Variants in IMMP2L observed in about 807,000 individuals in gnomAD.
IMMP2L encodes the protein inner mitochondrial membrane peptidase subunit 2.
A neutral mutation model predicts 19.3 loss-of-function variants in IMMP2L; 18 were observed. The observed-to-expected ratio is 0.93, with a 90% confidence interval of 0.64 to 1.38. IMMP2L has a LOEUF of 1.38. Ranked by LOEUF, IMMP2L falls within the 40% of genes most tolerant of loss-of-function variation. The pLI, the probability that IMMP2L is intolerant of heterozygous loss-of-function variation, is 0.00. For missense variants in IMMP2L, 233 were observed against 218.2 expected (o/e 1.07, Z -0.43); for synonymous variants, 76 against 73.0 (o/e 1.04, Z -0.21).
intron 3 of IMMP2L, among the ~76,000 whole-genome samples, chr7:111,058,585 T>C (rs1793725494): frequency 6.6e-6 from 1 of 152,186 alleles, no homozygotes; most frequent in Non-Finnish European, 1.5e-5. Context: ...TTGGGATGAT[T>C]AGAGATGAAA....
chr7:111,504,026 A>T (rs1466284643), intron 2 of IMMP2L, among the ~76,000 whole-genome samples: 3 of 152,156 alleles, frequency 2.0e-5, no homozygotes, highest in Admixed American at 2.0e-4. Flanking sequence ...AGAGGAAGTC[A>T]AATTGTCCCT....
chr7:111,013,166 T>C (rs1378049900), intron 3 of IMMP2L, among the ~76,000 whole-genome samples: 1 of 152,120 alleles, frequency 6.6e-6, no homozygotes, highest in Non-Finnish European at 1.5e-5. Flanking sequence ...GAGGCTGTTG[T>C]GGTAAACATG....
chr7:110,964,153 G>A (rs28531395), intron 3 of IMMP2L, among the ~76,000 whole-genome samples: 3,468 of 152,106 alleles, frequency 0.023, 132 homozygotes, highest in African/African-American at 0.078. Flanking sequence ...GAACTTCACA[G>A]CCATGTGGAA....
chr7:110,807,533 T>C (rs1486466451), intron 5 of IMMP2L, among the ~76,000 whole-genome samples: 3 of 152,002 alleles, frequency 2.0e-5, no homozygotes, highest in Non-Finnish European at 4.4e-5. Context: ...ACCAAGTAAA[T>C]ATTTGATAAT....
At chr7:110,823,111 T>TA (rs1803180532) in intron 5 of IMMP2L, among the ~76,000 whole-genome samples, 3 of 152,164 alleles carry the variant, frequency 2.0e-5, no homozygotes, top group African/African-American at 7.2e-5. Context: ...TATGAGTTTT[T>TA]AATGTAATTT....
Position 111,243,208 on chromosome 7 carries a change from A to G in IMMP2L, c.239+244030T>C, listed in dbSNP as rs983046477. 9.2e-5 allele frequency among the ~76,000 whole-genome samples: 14 copies of G among 152,038 alleles called. 1 individual carries two copies. Among genetic ancestry groups the G allele is most frequent in the African/African-American group, 2.7e-4 (11 of 41,420 alleles). On this transcript the variant is annotated intron_variant, in intron 3 of 5. Transcript: ENST00000405709. ...CCATTCAATCATTCCCAAGATACAT[A>G]TTCTGAATGTGAAGTATTTATTATA...
intron 3 of IMMP2L, among the ~76,000 whole-genome samples, chr7:111,430,355 T>C (rs1836504259): frequency 6.6e-6 from 1 of 151,672 alleles, no homozygotes; most frequent in African/African-American, 2.4e-5. Context: ...TTTTCCTTCC[T>C]GGTAAAAAAA....
In IMMP2L at chr7:111,384,286, G is replaced by C. The variant is rs538281248; in HGVS notation, c.239+102952C>G. 1.2e-4 allele frequency among the ~76,000 whole-genome samples: 18 copies of C among 151,076 alleles called. No homozygotes were observed. The East Asian group carries it at 2.2e-3, about 18-fold the overall frequency. On this transcript the variant is annotated intron_variant, in intron 3 of 5. Transcript: ENST00000405709. ...GAAAGGAGAGAGGAGAAAGGAGAAA[G>C]GAGAGAGGAGAAAGGAGGAGGAGGG... is the stretch of plus-strand genomic sequence containing the variant.
chr7:110,974,508 T>C (rs1308417697), intron 3 of IMMP2L, among the ~76,000 whole-genome samples: 1 of 152,110 alleles, frequency 6.6e-6, no homozygotes, highest in Non-Finnish European at 1.5e-5. Flanking sequence ...ATCAAGTAAA[T>C]ACTTCTCACA....
intron 5 of IMMP2L, among the ~76,000 whole-genome samples, chr7:110,745,271 T>C (rs1206944744): frequency 6.6e-6 from 1 of 152,088 alleles, no homozygotes; most frequent in African/African-American, 2.4e-5. Flanking sequence ...CAAATCTACG[T>C]TTGATTGGTG....
chr7:111,388,241 A>T lies in IMMP2L; in HGVS notation c.239+98997T>A, dbSNP rs567317845. On this transcript the variant is annotated intron_variant, in intron 3 of 5. Transcript: ENST00000405709. ...AATATTCAACCAGTTGGCTGGGGAT[A>T]GTGGGTTGAGGTCAAGGAGATGACC... Among the ~76,000 whole-genome samples, 365 of 152,108 alleles carry T rather than the reference A, an allele frequency of 2.4e-3. 3 individuals carry two copies. Among genetic ancestry groups the T allele is most frequent in the African/African-American group, 8.4e-3 (347 of 41,532 alleles).
chr7:111,012,121 G>A lies in IMMP2L; in HGVS notation c.240-48556C>T, dbSNP rs531055572. Among the ~76,000 whole-genome samples, 4 of 152,232 alleles carry A rather than the reference G, an allele frequency of 2.6e-5. No individual in the cohort carries two copies. In the South Asian group the frequency reaches 6.2e-4, roughly 24 times the overall value. On this transcript the variant is annotated intron_variant, in intron 3 of 5. Transcript: ENST00000405709. Reference sequence around the variant, plus strand: ...AGAGAATTCTATTAGTTGAGGAGCTGAAATGTAATGCAGATCAAAGGTACA... The same window carrying A: ...AGAGAATTCTATTAGTTGAGGAGCTAAAATGTAATGCAGATCAAAGGTACA...
At chr7:111,135,991 T>C (rs955163784) in intron 3 of IMMP2L, among the ~76,000 whole-genome samples, 3 of 152,128 alleles carry the variant, frequency 2.0e-5, no homozygotes, top group African/African-American at 7.2e-5. Flanking sequence ...ATTACCATTA[T>C]ATAGTAAATA....
chr7:110,966,470 A>T (rs1046279211), intron 3 of IMMP2L, among the ~76,000 whole-genome samples: 3 of 151,380 alleles, frequency 2.0e-5, no homozygotes, highest in Non-Finnish European at 4.4e-5. Flanking sequence ...ATGAAATAAT[A>T]TAAAAAGCAA....
chr7:111,046,045 A>G, intron 3 of IMMP2L, among the ~76,000 whole-genome samples: 1 of 152,344 alleles, frequency 6.6e-6, no homozygotes, highest in African/African-American at 2.4e-5. Flanking sequence ...AAATCTTAAC[A>G]TAATCTAAAG....
chr7:111,200,623 A>T (rs1809999202), intron 3 of IMMP2L, among the ~76,000 whole-genome samples: 1 of 152,180 alleles, frequency 6.6e-6, no homozygotes, highest in African/African-American at 2.4e-5. Context: ...AAACAGACAC[A>T]TATACCATTA....
At chr7:111,252,933 C>T (rs1354861920) in intron 3 of IMMP2L, among the ~76,000 whole-genome samples, 1 of 152,016 alleles carries the variant, frequency 6.6e-6, no homozygotes, top group Non-Finnish European at 1.5e-5. Context: ...AGAACTATGA[C>T]TCTGTTTGTA....
chr7:110,738,571 A>G (rs1796791214), intron 5 of IMMP2L, among the ~76,000 whole-genome samples: 1 of 152,230 alleles, frequency 6.6e-6, no homozygotes, highest in South Asian at 2.1e-4. Flanking sequence ...GTTCGGGACT[A>G]TGTTAAACGT....
chr7:111,075,396 G>A (rs1156577589), intron 3 of IMMP2L, among the ~76,000 whole-genome samples: 2 of 152,036 alleles, frequency 1.3e-5, no homozygotes, highest in Non-Finnish European at 2.9e-5. Flanking sequence ...CCAAAGTACT[G>A]GGATTACAGG....
Sources: gnomAD v4.1 joint callset for allele counts (sites outside exome capture counted in the v4.1 genomes callset) on GRCh38, gnomAD v4.1.1 for gene constraint, MANE v1.5 for transcripts, NCBI Gene and HGNC (gene_info 2026-07-23, HGNC 2026-07-21) for gene names.